Variants in CLOCK observed in about 807,000 individuals in gnomAD.
CLOCK encodes the protein circadian locomoter output cycles protein kaput.
Under a neutral mutation model 118.4 loss-of-function variants are expected in CLOCK, and 43 were observed. That is an observed-to-expected ratio of 0.36 (90% confidence interval 0.28 to 0.47). The LOEUF is 0.47. CLOCK is among the 20% of genes least tolerant of loss of function. CLOCK has a pLI of 1.00. For synonymous variants in CLOCK, 326 were observed against 339.2 expected, an observed-to-expected ratio of 0.96 and a Z score of 0.43; for missense variants, 846 against 999.9, an observed-to-expected ratio of 0.85 and a Z score of 2.08.
chr4:55,448,967 C>A (rs1724187105), intron 17 of CLOCK, 99 bp from the exon 18 acceptor site: 2 of 953,300 alleles, frequency 2.1e-6, no homozygotes, highest in Admixed American at 2.0e-5. Context: ...AATAAACTTA[C>A]CATTTGCCTC....
chr4:55,472,509 G>C (rs932322908), intron 7 of CLOCK, among the ~76,000 whole-genome samples: 1 of 152,086 alleles, frequency 6.6e-6, no homozygotes, highest in African/African-American at 2.4e-5. Context: ...TATTAAAATG[G>C]TCAATACACT....
At chr4:55,508,331 T>C (rs974294987) in intron 2 of CLOCK, among the ~76,000 whole-genome samples, 1 of 152,226 alleles carries the variant, frequency 6.6e-6, no homozygotes, top group Non-Finnish European at 1.5e-5. Flanking sequence ...ATATTCATTT[T>C]AGAATAAAAA....
intron 6 of CLOCK, among the ~76,000 whole-genome samples, chr4:55,476,612 AATATTCCCACAGTG>A (rs1206666271): frequency 6.6e-6 from 1 of 152,174 alleles, no homozygotes; most frequent in Non-Finnish European, 1.5e-5. Context: ...TTACTACAGT[AATATTCCCACAGTG>A]ATTTTTCTTA....
chr4:55,511,514 A>G (rs371715697), intron 1 of CLOCK, among the ~76,000 whole-genome samples: 1 of 152,204 alleles, frequency 6.6e-6, no homozygotes, highest in Non-Finnish European at 1.5e-5. Context: ...AACTGAGGGT[A>G]AAGTACAGAG....
rs1726772323 is a variant in CLOCK at position 55,479,558 on chromosome 4, A to T, written c.107+82T>A. ...AACTCCTAAAGCACATAGCTTTTGG[A>T]AATCATTTATTCACTATTTATTTAC... On this transcript the variant is annotated intron_variant, in intron 5 of 22. Transcript: ENST00000513440. 6.8e-6 allele frequency: 8 copies of T among 1,171,736 alleles called. No individual in the cohort carries two copies. In the East Asian group the frequency reaches 2.1e-4, roughly 30 times the overall value. 72.6% of individuals were successfully genotyped at this position (1,171,736 alleles called of 1,614,324 possible). A position where few individuals can be genotyped will look rare whatever the true frequency, so the allele number is the denominator to read the frequency against.
chr4:55,462,849 TGA>T lies in CLOCK; in HGVS notation c.559+834_559+835del, dbSNP rs970611424. Among the ~76,000 whole-genome samples the T allele has an allele frequency of 4.8e-4, 73 of 151,710 alleles. 1 individual carries two copies. In the South Asian group the frequency reaches 5.6e-3, roughly 12 times the overall value. On this transcript the variant is annotated intron_variant, in intron 9 of 22. Coordinates refer to ENST00000513440, the MANE Select transcript of CLOCK (RefSeq NM_004898.4). The stretch of plus-strand genomic sequence containing the variant: ...AGTTATAGATACACACAGATTTGTG[TGA>T]GTGTGTGTGTGTGTGTATCTCAATT...
Position 55,449,529 on chromosome 4 carries a change from C to T in CLOCK, c.1349-33G>A, listed in dbSNP as rs749390718. On this transcript the variant is annotated intron_variant, in intron 16 of 22. Coordinates refer to ENST00000513440, the MANE Select transcript of CLOCK (RefSeq NM_004898.4). ...CAACAAAATCAGAAGAGCATTAGTA[C>T]TTTATAAAATATAGTTTTTAAAGAT... 23 of 1,509,172 alleles carry T rather than the reference C, an allele frequency of 1.5e-5. No homozygotes were observed. The South Asian group carries it at 2.6e-4, about 17-fold the overall frequency. The allele number at this position is 1,509,172 out of a possible 1,614,324, so 93.5% of individuals were successfully genotyped here. A position where few individuals can be genotyped will look rare whatever the true frequency, so the allele number is the denominator to read the frequency against.
At chr4:55,475,869 T>G (rs1726475992) in intron 7 of CLOCK, 94 bp downstream of exon 7, 1 of 796,694 alleles carries the variant, frequency 1.3e-6, no homozygotes, top group Admixed American at 2.0e-5. Context: ...GGAACTCAAC[T>G]CGCAATATCG....
intron 1 of CLOCK, among the ~76,000 whole-genome samples, chr4:55,534,437 G>C (rs1730750993): frequency 6.6e-6 from 1 of 152,114 alleles, no homozygotes; most frequent in Non-Finnish European, 1.5e-5. Flanking sequence ...ACAGCACACA[G>C]TCTATGTGCT....
intron 1 of CLOCK, among the ~76,000 whole-genome samples, chr4:55,514,032 G>C (rs1729326817): frequency 6.6e-6 from 1 of 152,046 alleles, no homozygotes; most frequent in Admixed American, 6.6e-5. Context: ...CTTCTACATA[G>C]ACAATCATAT....
At chr4:55,502,682 C>A (rs1307373889) in intron 2 of CLOCK, among the ~76,000 whole-genome samples, 14 of 152,254 alleles carry the variant, frequency 9.2e-5, no homozygotes, top group African/African-American at 3.4e-4. Flanking sequence ...ATAAAATGGA[C>A]TTCATTAAAA....
intron 5 of CLOCK, 28 bp from the exon 6 acceptor site, chr4:55,478,991 TA>T (rs1190715624): frequency 6.5e-7 from 1 of 1,536,402 alleles, no homozygotes. Flanking sequence ...ATGCATTTTT[TA>T]AACAATCCAT....
intron 2 of CLOCK, among the ~76,000 whole-genome samples, chr4:55,503,072 T>C (rs1728539930): frequency 6.6e-6 from 1 of 152,200 alleles, no homozygotes; most frequent in Non-Finnish European, 1.5e-5. Context: ...TTAATTTAAC[T>C]ACTTTGGAAA....
intron 2 of CLOCK, among the ~76,000 whole-genome samples, chr4:55,498,574 CA>C (rs1728232146): frequency 6.6e-6 from 1 of 150,378 alleles, no homozygotes; most frequent in South Asian, 2.1e-4. Flanking sequence ...TCAAAGCTTT[CA>C]AATTTAAAAA....
At chr4:55,490,409 A>G (rs1727589796) in intron 2 of CLOCK, among the ~76,000 whole-genome samples, 1 of 152,118 alleles carries the variant, frequency 6.6e-6, no homozygotes, top group Non-Finnish European at 1.5e-5. Context: ...CAGCAGATAC[A>G]ATAGTAGCAG....
At chr4:55,542,766 T>C (rs1283376065) in intron 1 of CLOCK, among the ~76,000 whole-genome samples, 2 of 152,110 alleles carry the variant, frequency 1.3e-5, no homozygotes, top group Non-Finnish European at 2.9e-5. Flanking sequence ...TCTGCTTAGG[T>C]TCACTTCAGA....
At chr4:55,479,780 T>A (rs1027039788) in intron 4 of CLOCK, 81 bp from the exon 5 acceptor site, 1 of 1,064,458 alleles carries the variant, frequency 9.4e-7, no homozygotes, top group South Asian at 1.3e-5. Flanking sequence ...ATCAACTCAG[T>A]TATGCCCTAT....
chr4:55,479,320 G>A (rs1400908024), intron 5 of CLOCK, among the ~76,000 whole-genome samples: 1 of 152,046 alleles, frequency 6.6e-6, no homozygotes, highest in Non-Finnish European at 1.5e-5. Context: ...TCTATGTGAA[G>A]CAGTAACCAG....
intron 1 of CLOCK, among the ~76,000 whole-genome samples, chr4:55,513,179 C>A (rs759176539): frequency 7.2e-5 from 11 of 152,080 alleles, no homozygotes; most frequent in Non-Finnish European, 1.6e-4. Flanking sequence ...ATAAAGTATA[C>A]CATCATCTTT....
Sources: gnomAD v4.1 joint callset for allele counts (sites outside exome capture counted in the v4.1 genomes callset) on GRCh38, gnomAD v4.1.1 for gene constraint, MANE v1.5 for transcripts, NCBI Gene and HGNC (gene_info 2026-07-23, HGNC 2026-07-21) for gene names.